MON2: variants seen among roughly 807,000 people sequenced by gnomAD.
MON2 encodes MON2 regulator of endosome-to-Golgi trafficking.
A neutral mutation model predicts 208.6 loss-of-function variants in MON2; 84 were observed. The ratio of observed to expected loss-of-function variants is 0.40; its 90% CI spans 0.34 to 0.48. MON2 has a LOEUF of 0.48. MON2 is among the 20% of genes least tolerant of loss of function. The pLI, the probability that MON2 is intolerant of heterozygous loss-of-function variation, is 0.59. For synonymous variants in MON2, 660 were observed against 694.0 expected, an observed-to-expected ratio of 0.95 and a Z score of 0.77; for missense variants, 1,611 against 2,015.4, an observed-to-expected ratio of 0.80 and a Z score of 3.84.
At chr12:62,535,736 TC>T (rs760174701) in intron 14 of MON2, 27 bp downstream of exon 14, 1 of 1,568,758 alleles carries the variant, frequency 6.4e-7, no homozygotes. Context: ...CAAAATTCTC[TC>T]TATGTAGTGG....
intron 30 of MON2, among the ~76,000 whole-genome samples, chr12:62,572,016 A>T (rs756195948): frequency 1.3e-5 from 2 of 152,224 alleles, no homozygotes; most frequent in Non-Finnish European, 2.9e-5. Context: ...TTTTCATTGT[A>T]TGGTATCTAA....
intron 30 of MON2, among the ~76,000 whole-genome samples, chr12:62,574,265 A>G (rs1020315637): frequency 6.6e-6 from 1 of 152,212 alleles, no homozygotes; most frequent in Non-Finnish European, 1.5e-5. Flanking sequence ...AAAAGGTGAC[A>G]TTATCCATAT....
At chr12:62,511,713 C>T (rs1308762554) in intron 8 of MON2, among the ~76,000 whole-genome samples, 1 of 152,122 alleles carries the variant, frequency 6.6e-6, no homozygotes, top group Non-Finnish European at 1.5e-5. Context: ...CAGTGATTTC[C>T]TGACTGTGAT....
intron 11 of MON2, among the ~76,000 whole-genome samples, chr12:62,529,570 C>G (rs1269077788): frequency 6.6e-6 from 1 of 151,900 alleles, no homozygotes; most frequent in African/African-American, 2.4e-5. Flanking sequence ...TGAGATAATT[C>G]ATATCTCATG....
At chr12:62,503,741 G>C (rs11174516) in intron 7 of MON2, among the ~76,000 whole-genome samples, 152,048 of 152,296 alleles carry the variant, frequency 1, 75,900 homozygotes, top group Middle Eastern at 1. Flanking sequence ...AAGCAGACTC[G>C]TGCCCCAGGG....
At position 62,553,014 on chromosome 12, in the gene MON2, C is replaced by T; in HGVS notation, c.3050C>T (p.Pro1017Leu). The T allele has an allele frequency of 6.2e-7, 1 of 1,614,156 alleles. No individual in the cohort carries two copies. The highest frequency in any genetic ancestry group is 8.5e-7 in the Non-Finnish European group (1 of 1,180,026). ...AATCGGCCATTCCACCCTGCACCGC[C>T]ATTTGATTGCTTGTGGTTATGTCTT... ...VLNRPFHPAPPFDCLWLCLYA... is the reference protein window; with the variant it reads ...VLNRPFHPAPLFDCLWLCLYA... Residue 1017 changes from proline (P) to leucine (L), a missense_variant, in exon 24 of 35, where the codon CCA (proline) becomes CTA (leucine). Physicochemically the swap from Pro to Leu is moderately conservative, Grantham distance 98. Coordinates refer to ENST00000393630, the MANE Select transcript of MON2 (RefSeq NM_015026.3).
chr12:62,532,460 GAGCCTCC>G lies in MON2; in HGVS notation c.1425_1431del (p.Pro476LeufsTer16). 1 of 1,613,796 alleles carries G rather than the reference GAGCCTCC, an allele frequency of 6.2e-7. No homozygotes were observed. Among genetic ancestry groups the G allele is most frequent in the Non-Finnish European group, 8.5e-7 (1 of 1,179,768 alleles). ...CAGCTTAGAAATGTTGGACAAAGTT[GAGCCTCC>G]AACTATACCTGAAGGTTACGCCATG... On this transcript the variant is annotated frameshift_variant, in exon 12 of 35. Coordinates refer to ENST00000393630, the MANE Select transcript of MON2 (RefSeq NM_015026.3). LOFTEE classifies it high-confidence loss of function.
chr12:62,562,132 C>G (rs902548738), intron 26 of MON2, among the ~76,000 whole-genome samples: 1 of 152,078 alleles, frequency 6.6e-6, no homozygotes, highest in South Asian at 2.1e-4. Flanking sequence ...TAATTACCCA[C>G]CCTGTCCATT....
chr12:62,567,292 A>G (rs1397929386), intron 29 of MON2, among the ~76,000 whole-genome samples: 2 of 152,256 alleles, frequency 1.3e-5, no homozygotes, highest in African/African-American at 2.4e-5. Flanking sequence ...TCTTTCAGCC[A>G]TCTCATACAA....
Position 62,553,188 on chromosome 12 carries a change from G to C in MON2, c.3210+14G>C. 11 of 1,606,430 alleles carry C rather than the reference G, an allele frequency of 6.8e-6. No individual in the cohort carries two copies. Among genetic ancestry groups the C allele is most frequent in the South Asian group, 1.1e-5 (1 of 90,614 alleles). On this transcript the variant is annotated intron_variant, in intron 24 of 34. Transcript: ENST00000393630. Reference sequence around the variant, plus strand: ...GTTATCTGGAAGGTATTGTAAAATAGATTGGACTATCAGCTTTTAATGAGT... The same window carrying C: ...GTTATCTGGAAGGTATTGTAAAATACATTGGACTATCAGCTTTTAATGAGT...
chr12:62,556,396 A>G (rs2073967290), intron 25 of MON2, among the ~76,000 whole-genome samples: 1 of 152,160 alleles, frequency 6.6e-6, no homozygotes, highest in African/African-American at 2.4e-5. Context: ...CATTCTTGCT[A>G]TCATGGGCAT....
rs1039358459 is a variant in MON2 at position 62,565,267 on chromosome 12, A to G, written c.4063A>G (p.Ile1355Val). The G allele has an allele frequency of 6.2e-7, 1 of 1,613,056 alleles. No homozygotes were observed. Among genetic ancestry groups the G allele is most frequent in the African/African-American group, 1.3e-5 (1 of 74,878 alleles). ...AICVGPENMQ[I>V]MYPAIFDQLL... ...TTGTGTAGGACCAGAAAACATGCAGATAATGTATCCAGCTATATTTGACCA... is the reference window on the plus strand; with the variant it reads ...TTGTGTAGGACCAGAAAACATGCAGGTAATGTATCCAGCTATATTTGACCA... Residue 1355 changes from isoleucine (I) to valine (V), a missense_variant, in exon 27 of 35, where the codon ATA becomes GTA. Coordinates refer to ENST00000393630, the MANE Select transcript of MON2 (RefSeq NM_015026.3).
chr12:62,559,905 A>G (rs1359385957), intron 25 of MON2: 3 of 152,284 alleles, frequency 2.0e-5, no homozygotes, highest in Non-Finnish European at 4.4e-5. Context: ...AACATGTATT[A>G]TACTGTCCTA....
At chr12:62,580,089 G>C (rs1194771483) in intron 31 of MON2, among the ~76,000 whole-genome samples, 4 of 152,154 alleles carry the variant, frequency 2.6e-5, no homozygotes, top group African/African-American at 9.6e-5. Flanking sequence ...TTATGGTACT[G>C]ACTATTTTGT....
Position 62,467,305 on chromosome 12 carries a change from C to G in MON2, c.98C>G (p.Pro33Arg). Reference sequence around the variant, plus strand: ...TCACTGGAGTGCAAGAAGAAATTCCCACCTGTCAAAGAGGTAAGCTTCAGG... The same window carrying G: ...TCACTGGAGTGCAAGAAGAAATTCCGACCTGTCAAAGAGGTAAGCTTCAGG... ...ALSLECKKKF[P>R]PVKEAAESGI... Residue 33 changes from proline (P) to arginine (R), a missense_variant, in exon 1 of 35, where the codon CCA becomes CGA. Physicochemically the swap from Pro to Arg is moderately radical, Grantham distance 103. Coordinates refer to ENST00000393630, the MANE Select transcript of MON2 (RefSeq NM_015026.3). 1 of 1,613,994 alleles carries G rather than the reference C, an allele frequency of 6.2e-7. No individual in the cohort carries two copies. The highest frequency in any genetic ancestry group is 1.1e-5 in the South Asian group (1 of 91,078).
rs747148235 is a variant in MON2 at position 62,597,870 on chromosome 12, T to C, written c.*5121T>C. 1 of 152,112 alleles carries C rather than the reference T, an allele frequency of 6.6e-6. No homozygotes were observed. The highest frequency in any genetic ancestry group is 1.5e-5 in the Non-Finnish European group (1 of 68,024). 9.4% of individuals were successfully genotyped at this position (152,112 alleles called of 1,614,324 possible). A position where few individuals can be genotyped will look rare whatever the true frequency, so the allele number is the denominator to read the frequency against. ...GAGTTTGAGACTAGCCTAGACAACA[T>C]AGCAAGATCCTATCTCTAGTTCAAA... On this transcript the variant is annotated 3_prime_UTR_variant, in exon 35 of 35. Coordinates refer to ENST00000393630, the MANE Select transcript of MON2 (RefSeq NM_015026.3).
intron 20 of MON2, among the ~76,000 whole-genome samples, chr12:62,544,381 C>T (rs537961403): frequency 1.3e-5 from 2 of 152,124 alleles, no homozygotes; most frequent in East Asian, 1.9e-4. Flanking sequence ...AGGAAGTTGA[C>T]GCTGCAGTGA....
chr12:62,566,280 C>G, intron 28 of MON2, 42 bp from the exon 29 acceptor site: 1 of 1,583,436 alleles, frequency 6.3e-7, no homozygotes, highest in Non-Finnish European at 8.6e-7. Flanking sequence ...TTAATTTAAT[C>G]TCAGTTTATT....
chr12:62,474,612 C>A (rs1407979654), intron 1 of MON2, among the ~76,000 whole-genome samples: 2 of 148,626 alleles, frequency 1.3e-5, no homozygotes, highest in Non-Finnish European at 3.0e-5. Context: ...TTAGTAGAGA[C>A]GGGGTTTCTC....
Sources: gnomAD v4.1 joint callset for allele counts (sites outside exome capture counted in the v4.1 genomes callset) on GRCh38, gnomAD v4.1.1 for gene constraint, MANE v1.5 for transcripts, NCBI Gene and HGNC (gene_info 2026-07-23, HGNC 2026-07-21) for gene names.